C10orf71: variants seen among roughly 807,000 people sequenced by gnomAD.
C10orf71 encodes the protein cardiac-enriched FHL2-interacting protein.
For missense variants in C10orf71, 1,869 were observed against 1,804.5 expected (o/e 1.04, Z -0.65); for synonymous variants, 758 against 726.3 (o/e 1.04, Z -0.70).
At chr10:49,304,424 G>A (rs886875296) in intron 1 of C10orf71, among the ~76,000 whole-genome samples, 1 of 152,180 alleles carries the variant, frequency 6.6e-6, no homozygotes, top group African/African-American at 2.4e-5. Flanking sequence ...CACCCACTGA[G>A]TGAGGCCATG....
At chr10:49,313,154 T>C (rs1027528392) in intron 1 of C10orf71, among the ~76,000 whole-genome samples, 2 of 152,110 alleles carry the variant, frequency 1.3e-5, no homozygotes, top group Non-Finnish European at 2.9e-5. Flanking sequence ...AAATGATGGG[T>C]ATAGCCCATG....
At position 49,325,203 on chromosome 10, in the gene C10orf71, C is replaced by A; in HGVS notation, c.2658C>A (p.Ser886Arg). ...LRTMSLEDSL[S>R]SGHKEEELPR... ...CCATGTCCTTGGAGGACTCCCTCAGCAGTGGCCACAAAGAGGAGGAATTGC... is the reference window on the plus strand; with the variant it reads ...CCATGTCCTTGGAGGACTCCCTCAGAAGTGGCCACAAAGAGGAGGAATTGC... The change falls in exon 3 of 3, where the codon AGC becomes AGA. Residue 886 changes from serine to arginine, a missense_variant. Transcript: ENST00000374144. The A allele has an allele frequency of 6.4e-7, 1 of 1,552,038 alleles. No individual in the cohort carries two copies. Among genetic ancestry groups the A allele is most frequent in the Non-Finnish European group, 8.7e-7 (1 of 1,147,070 alleles).
intron 1 of C10orf71, among the ~76,000 whole-genome samples, chr10:49,308,826 T>C (rs1389586704): frequency 3.3e-5 from 5 of 152,170 alleles, no homozygotes; most frequent in Non-Finnish European, 7.4e-5. Flanking sequence ...AATGAACTTA[T>C]AATTTCTGAT....
rs533044212 is a variant in C10orf71 at position 49,324,431 on chromosome 10, G to C, written c.1886G>C (p.Gly629Ala). The C allele has an allele frequency of 2.5e-6, 4 of 1,609,472 alleles. No homozygotes were observed. The South Asian group carries it at 3.3e-5, about 13-fold the overall frequency. The change falls in exon 3 of 3, where the codon GGA (glycine) becomes GCA (alanine). Residue 629 changes from glycine to alanine, a missense_variant. By Grantham distance (60) the Gly-to-Ala change is moderately conservative (BLOSUM62 0). Coordinates refer to ENST00000374144, the MANE Select transcript of C10orf71 (RefSeq NM_001135196.2). Reference sequence around the variant, plus strand: ...GGAGAGTTGGAGATGGGTCCTGCCGGATCCAGCTGGTGTCCAGACTCCAGG... The same window carrying C: ...GGAGAGTTGGAGATGGGTCCTGCCGCATCCAGCTGGTGTCCAGACTCCAGG... ...VEGELEMGPA[G>A]SSWCPDSREH...
At position 49,322,597 on chromosome 10, in the gene C10orf71, A is replaced by C; in HGVS notation, c.52A>C (p.Ile18Leu). 2 of 1,612,834 alleles carry C rather than the reference A, an allele frequency of 1.2e-6. No individual in the cohort carries two copies. The highest frequency in any genetic ancestry group is 1.7e-6 in the Non-Finnish European group (2 of 1,179,334). Reference sequence around the variant, plus strand: ...AGACGCGTTCAGCGACTCCTCCAGCATCGGCAGCGTGTTGGATGATGCAGA... The same window carrying C: ...AGACGCGTTCAGCGACTCCTCCAGCCTCGGCAGCGTGTTGGATGATGCAGA... ...CTDAFSDSSS[I>L]GSVLDDADRE... Residue 18 changes from isoleucine to leucine, a missense_variant, in exon 3 of 3, where the codon ATC becomes CTC. Physicochemically the swap from Ile to Leu is conservative, Grantham distance 5. Transcript: ENST00000374144.
At position 49,326,240 on chromosome 10, in the gene C10orf71, TC is replaced by T; in HGVS notation, c.3699del (p.Val1234TrpfsTer61). The T allele has an allele frequency of 6.5e-7, 1 of 1,550,260 alleles. No individual in the cohort carries two copies. The highest frequency in any genetic ancestry group is 8.7e-7 in the Non-Finnish European group (1 of 1,146,856). ...LCPRERPRHN[F>X]PVVRSLPPPV... is the part of the protein sequence containing the mutation. ...CCCAGAGAGAGGCCCCGACACAATT[TC>T]CCCGTGGTCCGTTCCCTGCCCCCTC... On this transcript the variant is annotated frameshift_variant, in exon 3 of 3. Coordinates refer to ENST00000374144, the MANE Select transcript of C10orf71 (RefSeq NM_001135196.2). LOFTEE classifies it low-confidence loss of function (END_TRUNC).
Position 49,322,434 on chromosome 10 carries a change from T to A in C10orf71, c.-112T>A, listed in dbSNP as rs1253103841. 7.6e-7 allele frequency: 1 copy of A among 1,323,466 alleles called. No homozygotes were observed. The highest frequency in any genetic ancestry group is 1.5e-5 in the African/African-American group (1 of 66,980). The allele number at this position is 1,323,466 out of a possible 1,614,324, so 82.0% of individuals were successfully genotyped here. A position where few individuals can be genotyped will look rare whatever the true frequency, so the allele number is the denominator to read the frequency against. ...AAAAAATCCCCACTTTGCAATTGCA[T>A]CTGGTCAATGAGAGGCTCTAGTTTT... On this transcript the variant is annotated 5_prime_UTR_variant, in exon 3 of 3. Coordinates refer to ENST00000374144, the MANE Select transcript of C10orf71 (RefSeq NM_001135196.2).
intron 2 of C10orf71, among the ~76,000 whole-genome samples, chr10:49,321,502 G>A (rs182542038): frequency 6.6e-6 from 1 of 152,318 alleles, no homozygotes; most frequent in East Asian, 1.9e-4. Context: ...TGGCCACTGT[G>A]AGTAATGAAC....
At chr10:49,298,290 G>C (rs1047369152), upstream of C10orf71, among the ~76,000 whole-genome samples, 3 of 152,200 alleles carry the variant, frequency 2.0e-5, no homozygotes, top group African/African-American at 7.2e-5. Context: ...AGTCATCTCC[G>C]CTTTCTCAGG....
In C10orf71 at chr10:49,322,658, G is replaced by A. The variant is rs199898708; in HGVS notation, c.113G>A (p.Arg38Gln). The A allele has an allele frequency of 5.0e-5, 80 of 1,613,560 alleles. No individual in the cohort carries two copies. Among genetic ancestry groups the A allele is most frequent in the East Asian group, 2.2e-4 (10 of 44,868 alleles). ...AGCAGCCTAACAGACCGGGCATTCC[G>A]GAGTTTGTGCATCTCCGAGGACACA... The part of the protein sequence containing the change: ...EVSSLTDRAF[R>Q]SLCISEDTSF... The change falls in exon 3 of 3, where the codon CGG (arginine) becomes CAG (glutamine). Residue 38 changes from arginine (R) to glutamine (Q), a missense_variant. By Grantham distance (43) the Arg-to-Gln change is conservative (BLOSUM62 1). Coordinates refer to ENST00000374144, the MANE Select transcript of C10orf71 (RefSeq NM_001135196.2).
upstream of C10orf71, among the ~76,000 whole-genome samples, chr10:49,297,905 A>G (rs1848662993): frequency 6.6e-6 from 1 of 152,212 alleles, no homozygotes; most frequent in South Asian, 2.1e-4. Context: ...CGGAGCAGCA[A>G]GTAATCATCC....
At position 49,325,871 on chromosome 10, in the gene C10orf71, G is replaced by C; in HGVS notation, c.3326G>C (p.Arg1109Pro). The change falls in exon 3 of 3, where the codon CGG (arginine) becomes CCG (proline). Residue 1109 changes from arginine to proline, a missense_variant. By Grantham distance (103) the Arg-to-Pro change is moderately radical (BLOSUM62 -2). Coordinates refer to ENST00000374144, the MANE Select transcript of C10orf71 (RefSeq NM_001135196.2). ...WASSSPARVT[R>P]REDLTHALVW... The stretch of plus-strand genomic sequence containing the variant: ...AGCTCCAGTCCTGCCAGGGTCACCC[G>C]GAGGGAGGACCTGACCCACGCCCTC... 1 of 1,550,236 alleles carries C rather than the reference G, an allele frequency of 6.5e-7. No homozygotes were observed. Among genetic ancestry groups the C allele is most frequent in the Non-Finnish European group, 8.7e-7 (1 of 1,145,956 alleles).
Position 49,312,910 on chromosome 10 carries a change from C to T in C10orf71, c.-247-3235C>T, listed in dbSNP as rs1243199844. ...TCTGTGATTATAGGATTATAATTGA[C>T]TGTCAATAAAATAAGTTCTGCTAAG... On this transcript the variant is annotated intron_variant, in intron 1 of 2. Transcript: ENST00000374144. Among the ~76,000 whole-genome samples the T allele has an allele frequency of 4.6e-5, 7 of 152,298 alleles. No homozygotes were observed. In the East Asian group the frequency reaches 1.3e-3, roughly 29 times the overall value.
rs111281265 is a variant in C10orf71 at position 49,322,403 on chromosome 10, G to GA, written c.-132dup. On this transcript the variant is annotated splice_region_variant and 5_prime_UTR_variant, in exon 3 of 3. Transcript: ENST00000374144. The stretch of plus-strand genomic sequence containing the variant: ...GCCCTGCACCTTTTTCTTTTGCAGA[G>GA]AAAAAAAAAAATCCCCACTTTGCAA... 0.017 allele frequency: 13,855 copies of GA among 832,510 alleles called. No homozygotes were observed. Among genetic ancestry groups the GA allele is most frequent in the South Asian group, 0.022 (974 of 44,180 alleles). The allele number at this position is 832,510 out of a possible 1,614,324, so 51.6% of individuals were successfully genotyped here.
In C10orf71 at chr10:49,327,258, A is replaced by T; in HGVS notation, c.*405A>T. ...CCTCTGTACCCACACCCACCCACTC[A>T]CTTGTAAGCTCCTTGATGAGCAAAC... is the stretch of plus-strand genomic sequence containing the variant. On this transcript the variant is annotated 3_prime_UTR_variant, in exon 3 of 3. Coordinates refer to ENST00000374144, the MANE Select transcript of C10orf71 (RefSeq NM_001135196.2). 1 of 330,480 alleles carries T rather than the reference A, an allele frequency of 3.0e-6. No individual in the cohort carries two copies. The highest frequency in any genetic ancestry group is 6.2e-6 in the Non-Finnish European group (1 of 160,250). The allele number at this position is 330,480 out of a possible 1,614,324, so 20.5% of individuals were successfully genotyped here. A position where few individuals can be genotyped will look rare whatever the true frequency, so the allele number is the denominator to read the frequency against.
At chr10:49,306,598 C>T (rs1848817559) in intron 1 of C10orf71, among the ~76,000 whole-genome samples, 1 of 152,234 alleles carries the variant, frequency 6.6e-6, no homozygotes, top group South Asian at 2.1e-4. Flanking sequence ...GATTCTCTAA[C>T]AGCAGTTCTC....
intron 1 of C10orf71, among the ~76,000 whole-genome samples, chr10:49,301,925 G>T (rs1848735288): frequency 6.6e-6 from 1 of 152,110 alleles, no homozygotes. Flanking sequence ...AATCCCAGGG[G>T]CTCCTTTGGC....
Position 49,322,433 on chromosome 10 carries a change from A to C in C10orf71, c.-113A>C. ...AAAAAAATCCCCACTTTGCAATTGC[A>C]TCTGGTCAATGAGAGGCTCTAGTTT... is the stretch of plus-strand genomic sequence containing the variant. On this transcript the variant is annotated 5_prime_UTR_variant, in exon 3 of 3. Coordinates refer to ENST00000374144, the MANE Select transcript of C10orf71 (RefSeq NM_001135196.2). 1.5e-6 allele frequency: 2 copies of C among 1,322,428 alleles called. No individual in the cohort carries two copies. Among genetic ancestry groups the C allele is most frequent in the South Asian group, 1.6e-5 (1 of 62,004 alleles). The allele number at this position is 1,322,428 out of a possible 1,614,324, so 81.9% of individuals were successfully genotyped here. A position where few individuals can be genotyped will look rare whatever the true frequency, so the allele number is the denominator to read the frequency against.
rs549585348 is a variant in C10orf71, at chr10:49,323,472, G to A, written c.927G>A (p.Thr309=). Residue 309 remains threonine, a synonymous_variant, in exon 3 of 3, where the codon ACG becomes ACA. Transcript: ENST00000374144. The part of the protein sequence containing the change: ...ESKAPKHYGD[T]TLLREPCPPE... ...AAGCTCCCAAGCACTATGGGGACAC[G>A]ACCTTGCTAAGAGAACCCTGTCCTC... 7.9e-5 allele frequency: 128 copies of A among 1,613,906 alleles called. No individual in the cohort carries two copies. Among genetic ancestry groups the A allele is most frequent in the Middle Eastern group, 1.7e-4 (1 of 6,060 alleles).
Sources: gnomAD v4.1 joint callset for allele counts (sites outside exome capture counted in the v4.1 genomes callset) on GRCh38, gnomAD v4.1.1 for gene constraint, MANE v1.5 for transcripts, NCBI Gene and HGNC (gene_info 2026-07-23, HGNC 2026-07-21) for gene names.